The following MAN1A2 variants were observed in gnomAD, a reference collection of about 807,000 sequenced individuals.
MAN1A2 encodes the protein mannosyl-oligosaccharide 1,2-alpha-mannosidase IB.
MAN1A2 carries 26 observed loss-of-function variants against 75.7 expected under a neutral mutation model. The ratio of observed to expected loss-of-function variants is 0.34; its 90% confidence interval spans 0.25 to 0.48. The LOEUF is 0.48. Among genes scored for constraint, MAN1A2 ranks in the 20% least tolerant of loss-of-function variants. The pLI is 0.99. For synonymous variants in MAN1A2, 247 were observed against 264.6 expected (o/e 0.93, Z 0.65); for missense variants, 562 against 775.5 (o/e 0.72, Z 3.27).
At chr1:117,406,841 T>C (rs1355872920) in intron 3 of MAN1A2, among the ~76,000 whole-genome samples, 1 of 152,098 alleles carries the variant, frequency 6.6e-6, no homozygotes, top group Non-Finnish European at 1.5e-5. Context: ...AGTAACTATT[T>C]TTATGTTAAA....
chr1:117,445,892 A>ATATATATATG (rs1649218292), intron 6 of MAN1A2, among the ~76,000 whole-genome samples: 2 of 144,558 alleles, frequency 1.4e-5, no homozygotes, highest in East Asian at 4.0e-4. Context: ...GTGTATATAT[A>ATATATATATG]TATATATGTA....
At chr1:117,377,275 C>T (rs557025790) in intron 1 of MAN1A2, among the ~76,000 whole-genome samples, 28 of 152,270 alleles carry the variant, frequency 1.8e-4, no homozygotes, top group Non-Finnish European at 2.9e-4. Flanking sequence ...AATATGTTTT[C>T]ATGACCTAGA....
chr1:117,515,821 G>A (rs533118632), intron 12 of MAN1A2: 1 of 152,086 alleles, frequency 6.6e-6, no homozygotes, highest in African/African-American at 2.4e-5. Context: ...CCTGGGGAGG[G>A]GAATGGAAAT....
At chr1:117,436,864 T>C (rs1426553360) in intron 5 of MAN1A2, among the ~76,000 whole-genome samples, 1 of 152,212 alleles carries the variant, frequency 6.6e-6, no homozygotes, top group Non-Finnish European at 1.5e-5. Flanking sequence ...GACCCAGTAG[T>C]CTTGTGTCTT....
At chr1:117,499,696 A>G (rs1049714746) in intron 11 of MAN1A2, 142 bp downstream of exon 11, 21 of 416,088 alleles carry the variant, frequency 5.0e-5, no homozygotes, top group African/African-American at 4.4e-4. Flanking sequence ...CTCTTAGTCA[A>G]TTTAAGTTTC....
chr1:117,504,715 T>C (rs1441666067), intron 12 of MAN1A2, among the ~76,000 whole-genome samples: 1 of 151,548 alleles, frequency 6.6e-6, no homozygotes, highest in Non-Finnish European at 1.5e-5. Flanking sequence ...ATCGTCTCTT[T>C]AGTCTCCTTT....
intron 8 of MAN1A2, among the ~76,000 whole-genome samples, chr1:117,477,420 A>G (rs1017140649): frequency 1.3e-5 from 2 of 152,070 alleles, no homozygotes; most frequent in African/African-American, 4.8e-5. Flanking sequence ...CCAGCAGCAC[A>G]TCAAAAAATT....
chr1:117,368,125 A>G lies in MAN1A2; in HGVS notation c.-59A>G. On this transcript the variant is annotated 5_prime_UTR_variant, in exon 1 of 13. Transcript: ENST00000356554. ...CAAGATTTTGAAGACAGTTCAATGT[A>G]TTCTACATTTGACATAAGATGAGAA... 2 of 1,463,136 alleles carry G rather than the reference A, an allele frequency of 1.4e-6. No homozygotes were observed. Among genetic ancestry groups the G allele is most frequent in the Non-Finnish European group, 1.8e-6 (2 of 1,087,684 alleles). 90.6% of individuals were successfully genotyped at this position (1,463,136 alleles called of 1,614,324 possible).
intron 5 of MAN1A2, among the ~76,000 whole-genome samples, chr1:117,427,398 G>A (rs1045431519): frequency 1.3e-5 from 2 of 152,084 alleles, no homozygotes; most frequent in African/African-American, 4.8e-5. Context: ...TCATTGGAAG[G>A]GTGAGAGTCA....
intron 10 of MAN1A2, among the ~76,000 whole-genome samples, 191 bp downstream of exon 10, chr1:117,497,173 G>C (rs2101877250): frequency 6.6e-6 from 1 of 151,964 alleles, no homozygotes; most frequent in East Asian, 1.9e-4. Flanking sequence ...TTTAAATTCT[G>C]AATTCTGCTG....
intron 1 of MAN1A2, among the ~76,000 whole-genome samples, chr1:117,378,196 A>G (rs917754395): frequency 2.0e-5 from 3 of 152,208 alleles, no homozygotes; most frequent in African/African-American, 7.2e-5. Context: ...TGTAACTACT[A>G]GTTAGCTTTG....
chr1:117,471,126 A>C (rs1650140759), intron 8 of MAN1A2, among the ~76,000 whole-genome samples: 1 of 151,838 alleles, frequency 6.6e-6, no homozygotes, highest in Admixed American at 6.6e-5. Flanking sequence ...ATCAGTCATT[A>C]CTGATTCATT....
intron 3 of MAN1A2, among the ~76,000 whole-genome samples, chr1:117,406,722 G>A (rs779978995): frequency 1.2e-4 from 18 of 152,178 alleles, no homozygotes; most frequent in Admixed American, 5.2e-4. Flanking sequence ...TTTCTTAACA[G>A]AGTTTTGGAC....
At chr1:117,454,123 T>C (rs1020034696) in intron 6 of MAN1A2, among the ~76,000 whole-genome samples, 2 of 152,262 alleles carry the variant, frequency 1.3e-5, no homozygotes, top group African/African-American at 4.8e-5. Flanking sequence ...ATATAACTTT[T>C]ATATATACTG....
intron 6 of MAN1A2, among the ~76,000 whole-genome samples, chr1:117,445,514 T>G (rs370565580): frequency 2.0e-5 from 3 of 151,918 alleles, no homozygotes; most frequent in Admixed American, 2.0e-4. Flanking sequence ...AATTAAAATT[T>G]GTGTGTGTGT....
At chr1:117,424,584 T>A (rs1291048577) in intron 5 of MAN1A2, among the ~76,000 whole-genome samples, 1 of 152,128 alleles carries the variant, frequency 6.6e-6, no homozygotes, top group African/African-American at 2.4e-5. Flanking sequence ...GCTCATGACT[T>A]GGGAAGGAGT....
At chr1:117,514,250 C>T (rs1423715705) in intron 12 of MAN1A2, among the ~76,000 whole-genome samples, 3 of 151,788 alleles carry the variant, frequency 2.0e-5, no homozygotes, top group Non-Finnish European at 4.4e-5. Flanking sequence ...GTAATCTCAG[C>T]TACTTAGGAG....
chr1:117,405,481 A>C, intron 2 of MAN1A2, 68 bp from the exon 3 acceptor site: 1 of 953,602 alleles, frequency 1.0e-6, no homozygotes, highest in Non-Finnish European at 1.7e-6. Context: ...AGAACCCAAA[A>C]TTGTATGAAA....
intron 6 of MAN1A2, among the ~76,000 whole-genome samples, chr1:117,454,866 A>T: frequency 6.6e-6 from 1 of 152,282 alleles, no homozygotes; most frequent in East Asian, 1.9e-4. Context: ...GGTATAATAT[A>T]TAAAGGTCTA....
Sources: gnomAD v4.1 joint callset for allele counts (sites outside exome capture counted in the v4.1 genomes callset) on GRCh38, gnomAD v4.1.1 for gene constraint, MANE v1.5 for transcripts, NCBI Gene and HGNC (gene_info 2026-07-23, HGNC 2026-07-21) for gene names.